The following ACTR8 variants were observed in gnomAD, a reference collection of about 807,000 sequenced individuals.
ACTR8 encodes actin-related protein 8.
ACTR8 carries 70 observed loss-of-function variants against 84.3 expected under a neutral mutation model. The observed-to-expected ratio is 0.83, with a 90% CI of 0.68 to 1.01. The LOEUF (loss-of-function observed/expected upper bound fraction) is 1.01. ACTR8 is among the 50% of genes least tolerant of loss of function. ACTR8 has a pLI of 0.00. For synonymous variants in ACTR8, 268 were observed against 275.2 expected (o/e 0.97, Z 0.26); for missense variants, 672 against 775.4 (o/e 0.87, Z 1.58).
At chr3:53,877,834 A>C in intron 3 of ACTR8, 83 bp from the exon 4 acceptor site, 2 of 1,142,008 alleles carry the variant, frequency 1.8e-6, no homozygotes, top group South Asian at 2.9e-5. Flanking sequence ...TCTCTCTCAC[A>C]TACTAGACAC....
At chr3:53,861,150 A>G in the ACTR8 span, 5 of 152,154 alleles carry the variant, frequency 3.3e-5, no homozygotes, top group Non-Finnish European at 5.9e-5. Flanking sequence ...ATCACAGTAA[A>G]AAGTATCTCC....
At position 53,870,656 on chromosome 3, in the gene ACTR8, TA is replaced by T. The variant is rs1699870320; in HGVS notation, c.1568-512del. Among the ~76,000 whole-genome samples, 2 of 151,904 alleles carry T rather than the reference TA, an allele frequency of 1.3e-5. No individual in the cohort carries two copies. Among genetic ancestry groups the T allele is most frequent in the African/African-American group, 2.4e-5 (1 of 41,336 alleles). ...ATGGAGTGAGACTCTGAAAAATAAA[TA>T]AATAAAATCTTTAAAGGGACCCACA... On this transcript the variant is annotated intron_variant, in intron 11 of 12. Transcript: ENST00000335754. This position sits in a 1 kb window ranked among gnomAD's most constrained non-coding sequence, Gnocchi z 4.1.
chr3:53,877,627 A>G lies in ACTR8; in HGVS notation c.510+20T>C. 3 of 1,594,658 alleles carry G rather than the reference A, an allele frequency of 1.9e-6. No homozygotes were observed. The highest frequency in any genetic ancestry group is 2.6e-6 in the Non-Finnish European group (3 of 1,163,752). ...GATCAGCTTCCCCTTCTTTCATTCT[A>G]TTGTAAAGAAGTTTCTTACCTCTTC... On this transcript the variant is annotated intron_variant, in intron 4 of 12. Coordinates refer to ENST00000335754, the MANE Select transcript of ACTR8 (RefSeq NM_022899.5).
the ACTR8 span, chr3:53,860,897 AAC>A: frequency 5.3e-5 from 8 of 152,238 alleles, no homozygotes; most frequent in African/African-American, 9.6e-5. Context: ...TCAAAACTTA[AAC>A]ACACACATAC....
chr3:53,865,520 C>T (rs906611093), downstream of ACTR8: 2 of 515,484 alleles, frequency 3.9e-6, no homozygotes, highest in East Asian at 3.1e-5. Context: ...CTGTTTTATA[C>T]ATAGAAATCA....
rs1297284233 is a variant in ACTR8 at position 53,879,835 on chromosome 3, C to A, written c.294+104G>T. ...GTGACATTATTAATGTTTTAAAACACAGCAAAGCTATGAAGATGTTTCTTT... is the reference window on the plus strand; with the variant it reads ...GTGACATTATTAATGTTTTAAAACAAAGCAAAGCTATGAAGATGTTTCTTT... On this transcript the variant is annotated intron_variant, in intron 2 of 12. Transcript: ENST00000335754. 8 of 1,181,964 alleles carry A rather than the reference C, an allele frequency of 6.8e-6. No individual in the cohort carries two copies. The East Asian group carries it at 1.9e-4, about 28-fold the overall frequency. 73.2% of individuals were successfully genotyped at this position (1,181,964 alleles called of 1,614,324 possible).
chr3:53,862,421 G>A (rs1380236173), downstream of ACTR8, among the ~76,000 whole-genome samples: 1 of 152,216 alleles, frequency 6.6e-6, no homozygotes, highest in Non-Finnish European at 1.5e-5. Flanking sequence ...AGCCATGAAA[G>A]CCATCAAGCC....
chr3:53,868,960 T>C, intron 12 of ACTR8, 98 bp from the exon 13 acceptor site: 1 of 1,458,856 alleles, frequency 6.9e-7, no homozygotes, highest in Non-Finnish European at 9.2e-7. Flanking sequence ...GCTGAGTCAA[T>C]ACCTAGTAAG....
chr3:53,877,731 C>T lies in ACTR8; in HGVS notation c.426G>A (p.Gln142=), dbSNP rs537849098. 2.0e-5 allele frequency: 32 copies of T among 1,614,106 alleles called. No individual in the cohort carries two copies. In the South Asian group the frequency reaches 3.1e-4, roughly 16 times the overall value. ...SPEQARSYNK[Q]MRPAILDHCS... is the part of the protein sequence containing the mutation. The stretch of plus-strand genomic sequence containing the variant: ...AGTGATCTAAAATTGCAGGTCGCAT[C>T]TGCTTATTGTAGGAGCGTGCCTGAA... Residue 142 remains glutamine (Q), a synonymous_variant, in exon 4 of 13, where the codon CAG becomes CAA. Transcript: ENST00000335754.
At chr3:53,865,102 A>G, downstream of ACTR8, 2 of 1,614,160 alleles carry the variant, frequency 1.2e-6, no homozygotes, top group South Asian at 1.1e-5. Context: ...CAGTGATCTA[A>G]GAAGCCAGAT....
chr3:53,877,735 T>A lies in ACTR8; in HGVS notation c.422A>T (p.Lys141Met). The change falls in exon 4 of 13, where the codon AAG becomes ATG. Residue 141 changes from lysine (K) to methionine (M), a missense_variant. Transcript: ENST00000335754. ...ATCTAAAATTGCAGGTCGCATCTGC[T>A]TATTGTAGGAGCGTGCCTGAAAAGA... ...VSPEQARSYN[K>M]QMRPAILDHC... The A allele has an allele frequency of 6.2e-7, 1 of 1,614,100 alleles. No homozygotes were observed. The highest frequency in any genetic ancestry group is 8.5e-7 in the Non-Finnish European group (1 of 1,179,940).
At chr3:53,872,182 C>T (rs778481537) in intron 10 of ACTR8, among the ~76,000 whole-genome samples, 3 of 152,200 alleles carry the variant, frequency 2.0e-5, no homozygotes, top group Non-Finnish European at 4.4e-5. Context: ...TATGGACTAG[C>T]ATTCAGAAAA....
At chr3:53,874,968 T>C (rs1027408847) in intron 7 of ACTR8, among the ~76,000 whole-genome samples, 2 of 152,208 alleles carry the variant, frequency 1.3e-5, no homozygotes, top group African/African-American at 2.4e-5. Context: ...GTGTTTATCA[T>C]ATGACAGTTG....
In ACTR8 at chr3:53,870,684, G is replaced by A. The variant is rs4687594; in HGVS notation, c.1568-539C>T. 0.35 allele frequency among the ~76,000 whole-genome samples: 52,989 copies of A among 151,756 alleles called. 9,594 individuals are homozygous for A. The highest frequency in any genetic ancestry group is 0.6 in the East Asian group (3,048 of 5,122). On this transcript the variant is annotated intron_variant, in intron 11 of 12. Transcript: ENST00000335754. The surrounding 1 kb of genome is among the most constrained non-coding windows in gnomAD (Gnocchi z 4.1). ...ATAAAATCTTTAAAGGGACCCACAA[G>A]ATCCACTACGGGTGGTCGTCCCCTG...
intron 2 of ACTR8, among the ~76,000 whole-genome samples, chr3:53,878,985 G>A (rs942393189): frequency 3.3e-5 from 5 of 152,142 alleles, no homozygotes; most frequent in African/African-American, 1.2e-4. Flanking sequence ...AAATATTTCA[G>A]AGACTCTTCC....
downstream of ACTR8, chr3:53,864,774 C>A (rs752632831): frequency 6.2e-7 from 1 of 1,610,608 alleles, no homozygotes; most frequent in Admixed American, 1.7e-5. Context: ...CCTTTTCTAC[C>A]ACCACACTAC....
intron 12 of ACTR8, among the ~76,000 whole-genome samples, chr3:53,869,098 G>A (rs540014101): frequency 5.9e-5 from 9 of 152,280 alleles, no homozygotes; most frequent in East Asian, 3.9e-4. Context: ...TGGCTAACAC[G>A]GTGGAATGCC....
At position 53,881,963 on chromosome 3, in the gene ACTR8, C is replaced by T. The variant is rs543524890; in HGVS notation, c.123+16G>A. 2 of 1,555,356 alleles carry T rather than the reference C, an allele frequency of 1.3e-6. No individual in the cohort carries two copies. Among genetic ancestry groups the T allele is most frequent in the African/African-American group, 2.7e-5 (2 of 73,354 alleles). ...CCAAGCAAGGGCAAAGAGTTCCAAC[C>T]CAGCCAGAGCCGCACCTCTTGCAGC... On this transcript the variant is annotated intron_variant, in intron 1 of 12. Transcript: ENST00000335754.
At chr3:53,873,638 C>A (rs1049849729) in intron 8 of ACTR8, among the ~76,000 whole-genome samples, 1 of 152,136 alleles carries the variant, frequency 6.6e-6, no homozygotes, top group South Asian at 2.1e-4. Flanking sequence ...TTATCTTCAT[C>A]TTTTATCAGG....
Sources: allele counts gnomAD v4.1 joint callset (sites outside exome capture counted in the v4.1 genomes callset), GRCh38; gene constraint gnomAD v4.1.1; non-coding constraint Gnocchi (gnomAD v3.1); transcripts MANE v1.5; gene names NCBI Gene and HGNC (gene_info 2026-07-23, HGNC 2026-07-21).